Variants in ZFHX3 observed in about 807,000 individuals in gnomAD.
ZFHX3 encodes zinc finger homeobox protein 3.
Under a neutral mutation model 279.1 loss-of-function variants are expected in ZFHX3, and 42 were observed. That is an observed-to-expected ratio of 0.15 (90% CI 0.12 to 0.19). The LOEUF is 0.19. ZFHX3 is among the 10% of genes least tolerant of loss of function. The pLI is 1.00. For missense variants in ZFHX3, 4,981 were observed against 4,754.0 expected (o/e 1.05, Z -1.40); for synonymous variants, 2,293 against 1,957.8 (o/e 1.17, Z -4.52).
At chr16:72,841,403 C>G (rs1345041784) in intron 4 of ZFHX3, among the ~76,000 whole-genome samples, 1 of 152,146 alleles carries the variant, frequency 6.6e-6, no homozygotes. Context: ...GGGGAAAAAG[C>G]AGATGGAATT....
chr16:72,793,986 G>C lies in ZFHX3; in HGVS notation c.8696C>G (p.Pro2899Arg), dbSNP rs376480243. ...GTCATATTCCTTGCTATAAAAGCTC[G>C]GGGCCGGGCTGACCAGACCAGATGA... The part of the protein sequence containing the change: ...RLSSGLVSPA[P>R]SFYSKEYDNE... The change falls in exon 9 of 10, where the codon CCG becomes CGG. Residue 2899 changes from proline to arginine, a missense_variant. Physicochemically the swap from Pro to Arg is moderately radical, Grantham distance 103. Transcript: ENST00000268489. The surrounding 1 kb of genome is among the most constrained non-coding windows in gnomAD (Gnocchi z 4.3). 1 of 1,614,210 alleles carries C rather than the reference G, an allele frequency of 6.2e-7. No homozygotes were observed. The highest frequency in any genetic ancestry group is 8.5e-7 in the Non-Finnish European group (1 of 1,180,038).
At chr16:73,042,246 G>A (rs1965146459) in intron 1 of ZFHX3, among the ~76,000 whole-genome samples, 1 of 152,108 alleles carries the variant, frequency 6.6e-6, no homozygotes, top group South Asian at 2.1e-4. Flanking sequence ...TGGTCTTTCT[G>A]CACTCGGCTA....
chr16:73,588,704 A>AC lies in ZFHX3; in HGVS notation c.-1547+91475_-1547+91476insG, dbSNP rs1225218288. On this transcript the variant is annotated intron_variant, in intron 2 of 17. Transcript: ENST00000641206. The stretch of plus-strand genomic sequence containing the variant: ...GACTCGGTCTCAAAAACAAAAAACA[A>AC]AACAAAAAAAAAAAAAACAAGAAAA... 1.8e-3 allele frequency among the ~76,000 whole-genome samples: 257 copies of AC among 144,208 alleles called. 1 individual carries two copies. The highest frequency in any genetic ancestry group is 6.9e-3 in the Middle Eastern group (2 of 288). The allele number at this position is 144,208 out of a possible 152,430, so 94.6% of individuals were successfully genotyped here.
upstream of ZFHX3, among the ~76,000 whole-genome samples, chr16:73,051,530 C>T (rs977225467): frequency 6.6e-6 from 1 of 152,206 alleles, no homozygotes; most frequent in African/African-American, 2.4e-5. Context: ...AGGCCTCCAT[C>T]CATCCCTACA....
At chr16:73,051,343 T>C (rs1047552293), upstream of ZFHX3, among the ~76,000 whole-genome samples, 3 of 152,222 alleles carry the variant, frequency 2.0e-5, no homozygotes, top group Non-Finnish European at 4.4e-5. Context: ...CCCCATGATT[T>C]TGAGGCAGTT....
intron 3 of ZFHX3, among the ~76,000 whole-genome samples, chr16:72,944,289 A>G (rs1426843711): frequency 6.6e-6 from 1 of 152,222 alleles, no homozygotes; most frequent in Non-Finnish European, 1.5e-5. Flanking sequence ...TGTCTCAAAA[A>G]ACAAAATAAA....
intron 2 of ZFHX3, among the ~76,000 whole-genome samples, chr16:73,661,058 A>G (rs529785699): frequency 6.1e-4 from 93 of 152,366 alleles, no homozygotes; most frequent in Non-Finnish European, 1.1e-3. Flanking sequence ...TAAACTGCAC[A>G]TAACACAGCT....
intron 4 of ZFHX3, among the ~76,000 whole-genome samples, chr16:72,847,079 G>A (rs772899557): frequency 6.6e-5 from 10 of 152,176 alleles, no homozygotes; most frequent in Non-Finnish European, 1.2e-4. Context: ...ATTAGTTACT[G>A]ACTGTTCTGC....
chr16:72,957,966 C>T lies in ZFHX3; in HGVS notation c.2180G>A (p.Arg727His), dbSNP rs374002759. ...TGTGGAGTAGTTACACACCTCGCAG[C>T]GGAAAGGCTTGTAACCACACGTGTA... Reference protein sequence around the residue: ...ESYTCGYKPFRCEVCNYSTTT... With the variant: ...ESYTCGYKPFHCEVCNYSTTT... The change falls in exon 2 of 10, where the codon CGC (arginine) becomes CAC (histidine). Residue 727 changes from arginine to histidine, a missense_variant. Arg to His is a conservative substitution (Grantham distance 29). Coordinates refer to ENST00000268489, the MANE Select transcript of ZFHX3 (RefSeq NM_006885.4). 3.7e-5 allele frequency: 60 copies of T among 1,613,982 alleles called. No individual in the cohort carries two copies. Among genetic ancestry groups the T allele is most frequent in the Non-Finnish European group, 4.4e-5 (52 of 1,180,056 alleles).
intron 4 of ZFHX3, among the ~76,000 whole-genome samples, chr16:73,309,050 T>C (rs1216327471): frequency 6.6e-6 from 1 of 152,116 alleles, no homozygotes; most frequent in Admixed American, 6.5e-5. Context: ...GATGGGAAGC[T>C]ATGAAGTTTA....
At chr16:73,326,584 T>C (rs1257699931) in intron 3 of ZFHX3, among the ~76,000 whole-genome samples, 6 of 152,142 alleles carry the variant, frequency 3.9e-5, no homozygotes, top group Non-Finnish European at 8.8e-5. Flanking sequence ...CAGAAAGTAG[T>C]CTAGTGGTTG....
chr16:73,307,626 G>A (rs776304888), intron 4 of ZFHX3, among the ~76,000 whole-genome samples: 2 of 152,198 alleles, frequency 1.3e-5, no homozygotes, highest in Non-Finnish European at 2.9e-5. Context: ...ATTCTCAAGA[G>A]GAACCCAGCG....
chr16:73,099,627 C>T (rs1435632306), intron 7 of ZFHX3, among the ~76,000 whole-genome samples: 1 of 149,434 alleles, frequency 6.7e-6, no homozygotes, highest in Non-Finnish European at 1.5e-5. Flanking sequence ...AGGAGAATAG[C>T]TTGAACCCTG....
chr16:73,483,274 G>T (rs151051590), intron 2 of ZFHX3: 2 of 419,082 alleles, frequency 4.8e-6, no homozygotes, highest in African/African-American at 2.1e-5. Flanking sequence ...AAATGCGTAC[G>T]CATAGACACG....
chr16:73,347,523 T>C (rs763157201), intron 3 of ZFHX3, among the ~76,000 whole-genome samples: 4 of 152,198 alleles, frequency 2.6e-5, no homozygotes, highest in Non-Finnish European at 5.9e-5. Flanking sequence ...CAGAGGTAGA[T>C]AGCAGCAACC....
At chr16:73,769,597 T>C (rs1471926470) in intron 1 of ZFHX3, among the ~76,000 whole-genome samples, 4 of 152,126 alleles carry the variant, frequency 2.6e-5, no homozygotes, top group East Asian at 1.9e-4. Flanking sequence ...TCAATGACAA[T>C]CCAAAAACCT....
intron 3 of ZFHX3, among the ~76,000 whole-genome samples, chr16:73,355,860 C>A (rs1276624773): frequency 6.6e-6 from 1 of 152,150 alleles, no homozygotes; most frequent in Non-Finnish European, 1.5e-5. Flanking sequence ...ATAGTAGGAG[C>A]ATTTGTTGCT....
At chr16:73,190,897 G>A (rs951095577) in intron 5 of ZFHX3, among the ~76,000 whole-genome samples, 2 of 131,446 alleles carry the variant, frequency 1.5e-5, no homozygotes, top group African/African-American at 6.4e-5. Context: ...AGAGACCAGG[G>A]TGAAGAGGGA....
In ZFHX3 at chr16:72,975,299, G is replaced by A. The variant is rs926466405; in HGVS notation, c.-49-15105C>T. On this transcript the variant is annotated intron_variant, in intron 1 of 9. Transcript: ENST00000268489. ...TATACTAAAAATACAAAACTTAGCC[G>A]GGCATGGTGGCAGGCGCCTGTGATC... is the stretch of plus-strand genomic sequence containing the variant. 1.2e-4 allele frequency among the ~76,000 whole-genome samples: 18 copies of A among 152,208 alleles called. 1 individual carries two copies. Among genetic ancestry groups the A allele is most frequent in the East Asian group, 3.9e-4 (2 of 5,170 alleles).
Sources: allele counts gnomAD v4.1 joint callset (sites outside exome capture counted in the v4.1 genomes callset), GRCh38; gene constraint gnomAD v4.1.1; non-coding constraint Gnocchi (gnomAD v3.1); transcripts MANE v1.5; gene names NCBI Gene and HGNC (gene_info 2026-07-23, HGNC 2026-07-21).